The following HRH4 variants were observed in gnomAD, a reference collection of about 807,000 sequenced individuals.
HRH4 encodes the protein histamine receptor H4.
A neutral mutation model predicts 10.4 loss-of-function variants in HRH4; 12 were observed. The ratio of observed to expected loss-of-function variants is 1.15; its 90% CI spans 0.74 to 1.87. The LOEUF (loss-of-function observed/expected upper bound fraction) is 1.87, where lower values mean the gene tolerates loss of function less well. Ranked by LOEUF, HRH4 falls within the 40% of genes most tolerant of loss-of-function variation. HRH4 has a pLI of 0.00. For missense variants in HRH4, 415 were observed against 453.3 expected, an observed-to-expected ratio of 0.92 and a Z score of 0.77; for synonymous variants, 154 against 166.6, an observed-to-expected ratio of 0.92 and a Z score of 0.58.
rs1910263771 is a variant in HRH4, at chr18:24,479,949, A to G, written c.*2387A>G. 1 of 152,156 alleles carries G rather than the reference A, an allele frequency of 6.6e-6. No homozygotes were observed. The highest frequency in any genetic ancestry group is 2.1e-4 in the South Asian group (1 of 4,830). 9.4% of individuals were successfully genotyped at this position (152,156 alleles called of 1,614,324 possible). A position where few individuals can be genotyped will look rare whatever the true frequency, so the allele number is the denominator to read the frequency against. Reference sequence around the variant, plus strand: ...TTAAAAATTTGAGAAATAAACTCTCATAAATGCACACATTTTTATAAACTT... The same window carrying G: ...TTAAAAATTTGAGAAATAAACTCTCGTAAATGCACACATTTTTATAAACTT... On this transcript the variant is annotated 3_prime_UTR_variant, in exon 3 of 3. Transcript: ENST00000256906.
chr18:24,474,835 G>A (rs1384881053), intron 2 of HRH4, among the ~76,000 whole-genome samples: 1 of 151,982 alleles, frequency 6.6e-6, no homozygotes, highest in African/African-American at 2.4e-5. Context: ...ACAGGTGCGA[G>A]CCACCATGCC....
chr18:24,474,221 A>G (rs1014088463), intron 2 of HRH4, among the ~76,000 whole-genome samples: 1 of 151,574 alleles, frequency 6.6e-6, no homozygotes, highest in Non-Finnish European at 1.5e-5. Context: ...CATTAGATTT[A>G]GTGCAAGAGA....
At chr18:24,476,645 C>A in intron 2 of HRH4, 102 bp from the exon 3 acceptor site, 1 of 881,368 alleles carries the variant, frequency 1.1e-6, no homozygotes, top group Non-Finnish European at 1.8e-6. Context: ...TAGTTAATGT[C>A]TCCATCCTTT....
intron 1 of HRH4, among the ~76,000 whole-genome samples, chr18:24,468,063 T>C (rs1358016360): frequency 6.6e-6 from 1 of 152,192 alleles, no homozygotes; most frequent in African/African-American, 2.4e-5. Context: ...CCATTGAAAG[T>C]ACAGTCGCCC....
At chr18:24,461,812 C>A (rs1241342974) in intron 1 of HRH4, among the ~76,000 whole-genome samples, 1 of 148,676 alleles carries the variant, frequency 6.7e-6, no homozygotes, top group East Asian at 2.0e-4. Context: ...CAACCCCAAT[C>A]TAGGTCACAA....
At chr18:24,463,393 G>A (rs1320678908) in intron 1 of HRH4, among the ~76,000 whole-genome samples, 1 of 152,202 alleles carries the variant, frequency 6.6e-6, no homozygotes, top group African/African-American at 2.4e-5. Context: ...ATTTAATGCA[G>A]GGCTCACCAT....
chr18:24,474,157 A>T (rs1910063821), intron 2 of HRH4, among the ~76,000 whole-genome samples: 1 of 152,216 alleles, frequency 6.6e-6, no homozygotes, highest in Non-Finnish European at 1.5e-5. Flanking sequence ...CAGAGCAATT[A>T]AAAAACTAAA....
chr18:24,472,005 G>A (rs879933858), intron 2 of HRH4, among the ~76,000 whole-genome samples: 8 of 151,992 alleles, frequency 5.3e-5, no homozygotes, highest in African/African-American at 1.9e-4. Flanking sequence ...ATGATGCCCA[G>A]GGGAATGTAG....
intron 2 of HRH4, among the ~76,000 whole-genome samples, chr18:24,474,022 C>T (rs191987604): frequency 2.6e-5 from 4 of 152,252 alleles, no homozygotes; most frequent in East Asian, 3.9e-4. Context: ...ATATGCTCCC[C>T]GGAGATGCAC....
In HRH4 at chr18:24,478,139, A is replaced by C. The variant is rs1363942838; in HGVS notation, c.*577A>C. 6.6e-6 allele frequency: 1 copy of C among 152,318 alleles called. No homozygotes were observed. Among genetic ancestry groups the C allele is most frequent in the African/African-American group, 2.4e-5 (1 of 41,452 alleles). The allele number at this position is 152,318 out of a possible 1,614,324, so 9.4% of individuals were successfully genotyped here. ...AGAGAGCTGATGACTGCAGTTCTCA[A>C]AGGTCCTCAGTGAAGTTATTTTGGA... On this transcript the variant is annotated 3_prime_UTR_variant, in exon 3 of 3. Coordinates refer to ENST00000256906, the MANE Select transcript of HRH4 (RefSeq NM_021624.4).
intron 1 of HRH4, among the ~76,000 whole-genome samples, chr18:24,465,045 G>C (rs1448398231): frequency 6.6e-6 from 1 of 151,938 alleles, no homozygotes; most frequent in East Asian, 2.0e-4. Context: ...CCAGCACTTT[G>C]AGAGGCCAAG....
intron 1 of HRH4, among the ~76,000 whole-genome samples, chr18:24,462,947 G>T (rs1909680886): frequency 6.6e-6 from 1 of 152,122 alleles, no homozygotes; most frequent in East Asian, 1.9e-4. Context: ...TTCTTCACAG[G>T]ATCTTGTGAC....
At chr18:24,471,434 G>A (rs1349453520) in intron 2 of HRH4, among the ~76,000 whole-genome samples, 1 of 151,190 alleles carries the variant, frequency 6.6e-6, no homozygotes, top group Non-Finnish European at 1.5e-5. Context: ...GTGAAACCCC[G>A]CCTCTACTAA....
chr18:24,477,582 G>C lies in HRH4; in HGVS notation c.*20G>C. The C allele has an allele frequency of 6.7e-7, 1 of 1,489,626 alleles. No individual in the cohort carries two copies. Among genetic ancestry groups the C allele is most frequent in the Non-Finnish European group, 9.0e-7 (1 of 1,107,958 alleles). 92.3% of individuals were successfully genotyped at this position (1,489,626 alleles called of 1,614,324 possible). ...TCTTAAAGACAATTTTCTCACCTCT[G>C]TAAATTTTAGTCTCAATCTCACCTA... is the stretch of plus-strand genomic sequence containing the variant. On this transcript the variant is annotated 3_prime_UTR_variant, in exon 3 of 3. Coordinates refer to ENST00000256906, the MANE Select transcript of HRH4 (RefSeq NM_021624.4).
chr18:24,462,315 T>C (rs992266471), intron 1 of HRH4, among the ~76,000 whole-genome samples: 23 of 152,132 alleles, frequency 1.5e-4, no homozygotes, highest in Admixed American at 1.4e-3. Context: ...TCAGCAGGCC[T>C]TGTGGAGATT....
rs1910182272 is a variant in HRH4, at chr18:24,477,594, C to T, written c.*32C>T. 1 of 1,420,062 alleles carries T rather than the reference C, an allele frequency of 7.0e-7. No homozygotes were observed. The highest frequency in any genetic ancestry group is 9.5e-7 in the Non-Finnish European group (1 of 1,048,054). The allele number at this position is 1,420,062 out of a possible 1,614,324, so 88.0% of individuals were successfully genotyped here. ...TTTTCTCACCTCTGTAAATTTTAGT[C>T]TCAATCTCACCTAAATGAATCAGGT... is the stretch of plus-strand genomic sequence containing the variant. On this transcript the variant is annotated 3_prime_UTR_variant, in exon 3 of 3. Transcript: ENST00000256906.
chr18:24,460,732 C>T lies in HRH4; in HGVS notation c.4C>T (p.Pro2Ser). Reference sequence around the variant, plus strand: ...ACCTTCTTCATCATTTGATGTGATGCCAGATACTAATAGCACAATCAATTT... The same window carrying T: ...ACCTTCTTCATCATTTGATGTGATGTCAGATACTAATAGCACAATCAATTT... M[P>S]DTNSTINLSL... The change falls in exon 1 of 3, where the codon CCA (proline) becomes TCA (serine). Residue 2 changes from proline to serine, a missense_variant. Coordinates refer to ENST00000256906, the MANE Select transcript of HRH4 (RefSeq NM_021624.4). The T allele has an allele frequency of 6.6e-7, 1 of 1,507,450 alleles. No individual in the cohort carries two copies. The highest frequency in any genetic ancestry group is 9.0e-7 in the Non-Finnish European group (1 of 1,114,258). The allele number at this position is 1,507,450 out of a possible 1,614,324, so 93.4% of individuals were successfully genotyped here.
chr18:24,466,234 T>C (rs1257639596), intron 1 of HRH4, among the ~76,000 whole-genome samples: 1 of 151,200 alleles, frequency 6.6e-6, no homozygotes, highest in East Asian at 1.9e-4. Context: ...TGCCTCAACC[T>C]CCTGGTTAGC....
rs745515394 is a variant in HRH4 at position 24,476,936 on chromosome 18, T to A, written c.547T>A (p.Phe183Ile). ...CCTTGCCATCACATCATTCTTGGAATTCGTGATCCCAGTCATCTTAGTCGC... is the reference window on the plus strand; with the variant it reads ...CCTTGCCATCACATCATTCTTGGAAATCGTGATCCCAGTCATCTTAGTCGC... ...YILAITSFLE[F>I]VIPVILVAYF... The change falls in exon 3 of 3, where the codon TTC (phenylalanine) becomes ATC (isoleucine). Residue 183 changes from phenylalanine (F) to isoleucine (I), a missense_variant. By Grantham distance (21) the Phe-to-Ile change is conservative. Transcript: ENST00000256906. 1 of 1,614,196 alleles carries A rather than the reference T, an allele frequency of 6.2e-7. No homozygotes were observed. The highest frequency in any genetic ancestry group is 1.1e-5 in the South Asian group (1 of 91,086).
Sources: allele counts gnomAD v4.1 joint callset (sites outside exome capture counted in the v4.1 genomes callset), GRCh38; gene constraint gnomAD v4.1.1; transcripts MANE v1.5; gene names NCBI Gene and HGNC (gene_info 2026-07-23, HGNC 2026-07-21).